Variants in BAZ2B observed in about 807,000 individuals in gnomAD.
BAZ2B encodes bromodomain adjacent to zinc finger domain protein 2B.
A neutral mutation model predicts 246.0 loss-of-function variants in BAZ2B; 91 were observed. That is an observed-to-expected ratio of 0.37 (90% CI 0.31 to 0.44). The LOEUF is 0.44. BAZ2B is among the 20% of genes least tolerant of loss of function. BAZ2B has a pLI of 1.00. For synonymous variants in BAZ2B, 855 were observed against 860.0 expected (o/e 0.99, Z 0.10); for missense variants, 2,332 against 2,533.7 (o/e 0.92, Z 1.71).
At chr2:159,495,526 A>T (rs980556521) in intron 2 of BAZ2B, among the ~76,000 whole-genome samples, 4 of 150,098 alleles carry the variant, frequency 2.7e-5, no homozygotes, top group African/African-American at 9.7e-5. Flanking sequence ...ATTTAATATG[A>T]AAAAAGAAAA....
chr2:159,569,267 AC>A (rs890201618), intron 1 of BAZ2B, among the ~76,000 whole-genome samples: 1 of 152,054 alleles, frequency 6.6e-6, no homozygotes, highest in Non-Finnish European at 1.5e-5. Flanking sequence ...GAGAATGGCT[AC>A]CCACAGTCTC....
chr2:159,496,442 G>A (rs2081152283), intron 2 of BAZ2B, among the ~76,000 whole-genome samples: 1 of 140,340 alleles, frequency 7.1e-6, no homozygotes, highest in African/African-American at 2.7e-5. Flanking sequence ...AGGGCCGATT[G>A]CACCACTGCA....
chr2:159,464,012 T>A (rs1008532091), intron 3 of BAZ2B: 1 of 152,084 alleles, frequency 6.6e-6, no homozygotes, highest in African/African-American at 2.4e-5. Context: ...CCTATTTTTA[T>A]TTTTAAGTAG....
chr2:159,555,699 T>C (rs958992844), intron 2 of BAZ2B, 124 bp downstream of exon 2: 1 of 152,224 alleles, frequency 6.6e-6, no homozygotes, highest in Admixed American at 6.5e-5. Context: ...TCATTTAAAA[T>C]GTTAACATTC....
At chr2:159,682,080 G>C in the BAZ2B span, among the ~76,000 whole-genome samples, 52 of 152,014 alleles carry the variant, frequency 3.4e-4, no homozygotes, top group Non-Finnish European at 6.0e-4. Context: ...TTCAGTAAAG[G>C]AACGTAGTCA....
At chr2:159,515,791 G>C (rs1016029586) in intron 2 of BAZ2B, among the ~76,000 whole-genome samples, 4 of 151,976 alleles carry the variant, frequency 2.6e-5, no homozygotes, top group African/African-American at 4.8e-5. Flanking sequence ...ATATCATAAG[G>C]ATCTCTTTGC....
At chr2:159,540,396 G>T (rs745577317) in intron 2 of BAZ2B, among the ~76,000 whole-genome samples, 2 of 152,136 alleles carry the variant, frequency 1.3e-5, no homozygotes, top group African/African-American at 2.4e-5. Context: ...CAAAAATAAA[G>T]ATAATTAAAT....
chr2:159,530,206 CTTTT>C (rs967047485), intron 2 of BAZ2B, among the ~76,000 whole-genome samples: 12 of 152,192 alleles, frequency 7.9e-5, no homozygotes, highest in Non-Finnish European at 1.8e-4. Context: ...GAGTCACTTT[CTTTT>C]GTGATGTACA....
intron 25 of BAZ2B, among the ~76,000 whole-genome samples, chr2:159,375,737 A>G (rs987330177): frequency 6.6e-6 from 1 of 152,244 alleles, no homozygotes; most frequent in African/African-American, 2.4e-5. Context: ...TCACATAGTT[A>G]TAGAGCTGTT....
chr2:159,452,739 T>C (rs545509824), intron 4 of BAZ2B, among the ~76,000 whole-genome samples: 6 of 152,314 alleles, frequency 3.9e-5, no homozygotes, highest in African/African-American at 1.4e-4. Flanking sequence ...TCATTATCTA[T>C]AGAATTTTGG....
In BAZ2B at chr2:159,385,089, G is replaced by A. The variant is rs781246491; in HGVS notation, c.3686+66C>T. The A allele has an allele frequency of 3.7e-5, 55 of 1,467,330 alleles. No individual in the cohort carries two copies. In the Middle Eastern group the frequency reaches 7.0e-4, roughly 19 times the overall value. 90.9% of individuals were successfully genotyped at this position (1,467,330 alleles called of 1,614,324 possible). A position where few individuals can be genotyped will look rare whatever the true frequency, so the allele number is the denominator to read the frequency against. On this transcript the variant is annotated intron_variant, in intron 23 of 36. Coordinates refer to ENST00000392783, the MANE Select transcript of BAZ2B (RefSeq NM_013450.4). The stretch of plus-strand genomic sequence containing the variant: ...CTTTCCAATTTTCTATAATCAATTT[G>A]TATTACTTTTTGATTAGAAAAATTC...
chr2:159,357,989 C>T (rs1014409830), intron 27 of BAZ2B, among the ~76,000 whole-genome samples: 8 of 152,080 alleles, frequency 5.3e-5, no homozygotes, highest in Admixed American at 2.6e-4. Context: ...AAGGAAATAC[C>T]GGTACCAGCC....
At chr2:159,676,020 C>T in the BAZ2B span, among the ~76,000 whole-genome samples, 6 of 152,256 alleles carry the variant, frequency 3.9e-5, no homozygotes, top group African/African-American at 7.2e-5. Flanking sequence ...CTCAGTCTCC[C>T]GAGTAGCTGG....
At chr2:159,379,316 G>A (rs1396744683) in intron 25 of BAZ2B, among the ~76,000 whole-genome samples, 1 of 152,130 alleles carries the variant, frequency 6.6e-6, no homozygotes. Flanking sequence ...GTAGAATGGT[G>A]GTTGCCAGGG....
chr2:159,405,490 T>C (rs977057108), intron 14 of BAZ2B, among the ~76,000 whole-genome samples: 1 of 152,036 alleles, frequency 6.6e-6, no homozygotes, highest in African/African-American at 2.4e-5. Context: ...GGATTACAGG[T>C]GTGAGCCACC....
At chr2:159,570,279 G>A (rs1210217117) in intron 1 of BAZ2B, among the ~76,000 whole-genome samples, 1 of 151,734 alleles carries the variant, frequency 6.6e-6, no homozygotes, top group Non-Finnish European at 1.5e-5. Flanking sequence ...CCACCTCCTG[G>A]GTTCAAGAGA....
At chr2:159,441,780 T>C (rs73967869) in intron 6 of BAZ2B, among the ~76,000 whole-genome samples, 3,872 of 152,218 alleles carry the variant, frequency 0.025, 141 homozygotes, top group African/African-American at 0.088. Flanking sequence ...CTTCAACTAG[T>C]TGGGACTATA....
At chr2:159,492,164 C>T (rs1231405941) in intron 2 of BAZ2B, among the ~76,000 whole-genome samples, 1 of 152,146 alleles carries the variant, frequency 6.6e-6, no homozygotes, top group African/African-American at 2.4e-5. Flanking sequence ...CATACTTTCC[C>T]AAATCCTTAA....
rs561740202 is a variant in BAZ2B, at chr2:159,524,154, C to T, written c.-3+31669G>A. ...TATGTGCTCACACTGAGATTACAGG[C>T]TCACACCTGTAATCCCAACTCTTGG... On this transcript the variant is annotated intron_variant, in intron 2 of 36. Coordinates refer to ENST00000392783, the MANE Select transcript of BAZ2B (RefSeq NM_013450.4). Among the ~76,000 whole-genome samples the T allele has an allele frequency of 6.6e-5, 10 of 152,214 alleles. No homozygotes were observed. The South Asian group carries it at 1.7e-3, about 25-fold the overall frequency.
Sources: allele counts gnomAD v4.1 joint callset (sites outside exome capture counted in the v4.1 genomes callset), GRCh38; gene constraint gnomAD v4.1.1; transcripts MANE v1.5; gene names NCBI Gene and HGNC (gene_info 2026-07-23, HGNC 2026-07-21).